LIN52: variants seen among roughly 807,000 people sequenced by gnomAD.
LIN52 encodes lin-52 DREAM MuvB core complex component, also known as protein lin-52 homolog.
A neutral mutation model predicts 18.5 loss-of-function variants in LIN52; 4 were observed. The observed-to-expected ratio is 0.22, with a 90% CI of 0.11 to 0.49. The LOEUF (loss-of-function observed/expected upper bound fraction) is 0.49. Among genes scored for constraint, LIN52 ranks in the 20% least tolerant of loss-of-function variants. The pLI, the probability that LIN52 is intolerant of heterozygous loss-of-function variation, is 0.97. For synonymous variants in LIN52, 34 were observed against 45.5 expected (o/e 0.75, Z 1.02); for missense variants, 102 against 139.5 (o/e 0.73, Z 1.35).
intron 5 of LIN52, among the ~76,000 whole-genome samples, chr14:74,156,063 G>A (rs1453225790): frequency 6.6e-6 from 1 of 152,152 alleles, no homozygotes; most frequent in Non-Finnish European, 1.5e-5. Context: ...CAAGAAAAGG[G>A]CTTACAGATT....
At chr14:74,090,398 C>G (rs1224576873) in intron 1 of LIN52, among the ~76,000 whole-genome samples, 1 of 151,466 alleles carries the variant, frequency 6.6e-6, no homozygotes, top group East Asian at 1.9e-4. Flanking sequence ...TACAGTGGTG[C>G]AATCTTGGCT....
At chr14:74,184,246 A>G (rs1044341521) in intron 5 of LIN52, among the ~76,000 whole-genome samples, 2 of 152,100 alleles carry the variant, frequency 1.3e-5, no homozygotes, top group African/African-American at 4.8e-5. Flanking sequence ...ACGCCTGGCT[A>G]ATTTTTGTAT....
At chr14:74,173,262 G>T (rs538954973) in intron 5 of LIN52, among the ~76,000 whole-genome samples, 2 of 151,834 alleles carry the variant, frequency 1.3e-5, no homozygotes, top group South Asian at 2.1e-4. Flanking sequence ...ATCTCAGCTC[G>T]CCGCAACCTC....
At chr14:74,169,686 C>T (rs765006770) in intron 5 of LIN52, among the ~76,000 whole-genome samples, 13 of 152,194 alleles carry the variant, frequency 8.5e-5, no homozygotes, top group Admixed American at 2.0e-4. Context: ...TTGAAGAGAT[C>T]TATCATAGTA....
chr14:74,170,717 A>C (rs1469581225), intron 5 of LIN52, among the ~76,000 whole-genome samples: 1 of 152,094 alleles, frequency 6.6e-6, no homozygotes, highest in Non-Finnish European at 1.5e-5. Context: ...AGTAGAAACT[A>C]TAAAGATAGA....
At chr14:74,196,671 CT>C (rs150635910) in intron 5 of LIN52, among the ~76,000 whole-genome samples, 2,248 of 152,246 alleles carry the variant, frequency 0.015, 49 homozygotes, top group African/African-American at 0.051. Flanking sequence ...GTTTTGTTTG[CT>C]AGCCTCCCTT....
rs1323407230 is a variant in LIN52 at position 74,095,945 on chromosome 14, T to C, written c.95-3T>C. On this transcript the variant is annotated splice_polypyrimidine_tract_variant and splice_region_variant and intron_variant, in intron 2 of 5. Transcript: ENST00000555028. The stretch of plus-strand genomic sequence containing the variant: ...ATAAATAAAGTTTTGTTTTTCTTTT[T>C]AGTACCAGGTGTTGCTGAATTTGCA... The C allele has an allele frequency of 1.2e-6, 2 of 1,604,172 alleles. No homozygotes were observed. The highest frequency in any genetic ancestry group is 2.2e-5 in the South Asian group (2 of 89,954).
intron 5 of LIN52, among the ~76,000 whole-genome samples, chr14:74,158,778 G>T (rs368320477): frequency 2.6e-5 from 4 of 152,182 alleles, no homozygotes; most frequent in South Asian, 4.1e-4. Context: ...GCGCCCAGCC[G>T]TAAGTTATTT....
At chr14:74,095,882 A>G (rs1182063654) in intron 2 of LIN52, 66 bp from the exon 3 acceptor site, 2 of 1,019,180 alleles carry the variant, frequency 2.0e-6, no homozygotes, top group South Asian at 1.4e-5. Flanking sequence ...TTTTCTTATT[A>G]TTTGGATCTT....
At chr14:74,109,613 G>A (rs1024015972) in intron 5 of LIN52, among the ~76,000 whole-genome samples, 3 of 152,240 alleles carry the variant, frequency 2.0e-5, no homozygotes, top group Non-Finnish European at 4.4e-5. Context: ...TGGGATGTGT[G>A]AGCTTTCCAA....
chr14:74,119,325 G>A (rs2139919616), intron 5 of LIN52, among the ~76,000 whole-genome samples: 1 of 151,484 alleles, frequency 6.6e-6, no homozygotes, highest in East Asian at 1.9e-4. Flanking sequence ...ACCACGCCCA[G>A]CTAATTTTTT....
intron 5 of LIN52, among the ~76,000 whole-genome samples, chr14:74,148,084 A>G (rs2061161239): frequency 6.6e-6 from 1 of 152,178 alleles, no homozygotes; most frequent in Non-Finnish European, 1.5e-5. Context: ...GGAAGCCCAG[A>G]AGATTTGACA....
chr14:74,130,288 T>TTGTTTTTTTTTTG (rs1595168012), intron 5 of LIN52, among the ~76,000 whole-genome samples: 1 of 131,196 alleles, frequency 7.6e-6, no homozygotes, highest in East Asian at 2.3e-4. Flanking sequence ...GTTTTTTTTT[T>TTGTTTTTTTTTTG]TTTTTTTTGA....
rs1159821132 is a variant in LIN52 at position 74,200,921 on chromosome 14, G to T, written c.*1944G>T. On this transcript the variant is annotated 3_prime_UTR_variant, in exon 6 of 6. Transcript: ENST00000555028. ...CATCAGGCACTTTTCAGTGTTTGGGGAAATTGATTGGGATACCTCCCCCAA... is the reference window on the plus strand; with the variant it reads ...CATCAGGCACTTTTCAGTGTTTGGGTAAATTGATTGGGATACCTCCCCCAA... 6.6e-6 allele frequency: 1 copy of T among 152,196 alleles called. No individual in the cohort carries two copies. Among genetic ancestry groups the T allele is most frequent in the African/African-American group, 2.4e-5 (1 of 41,452 alleles). 9.4% of individuals were successfully genotyped at this position (152,196 alleles called of 1,614,324 possible). A position where few individuals can be genotyped will look rare whatever the true frequency, so the allele number is the denominator to read the frequency against.
chr14:74,102,619 C>T (rs866488028), intron 5 of LIN52, among the ~76,000 whole-genome samples: 10 of 152,118 alleles, frequency 6.6e-5, no homozygotes, highest in Admixed American at 4.6e-4. Context: ...CTTTCATAGT[C>T]GATTTTGTTC....
At chr14:74,094,943 G>A (rs2060797953) in intron 2 of LIN52, among the ~76,000 whole-genome samples, 1 of 151,662 alleles carries the variant, frequency 6.6e-6, no homozygotes, top group Non-Finnish European at 1.5e-5. Flanking sequence ...GCCCAGGCTG[G>A]TCTCCAACTC....
At chr14:74,088,410 A>G (rs1426737725) in intron 1 of LIN52, among the ~76,000 whole-genome samples, 2 of 151,962 alleles carry the variant, frequency 1.3e-5, no homozygotes, top group Non-Finnish European at 2.9e-5. Flanking sequence ...TTTTGTAGAG[A>G]TGGAGTCTCA....
At chr14:74,192,672 A>G (rs1566871655) in intron 5 of LIN52, 1 of 252,628 alleles carries the variant, frequency 4.0e-6, no homozygotes, top group Non-Finnish European at 7.7e-6. Context: ...ACCACTTGGT[A>G]GACTAATGAA....
chr14:74,119,677 G>A (rs1223416545), intron 5 of LIN52, among the ~76,000 whole-genome samples: 1 of 152,070 alleles, frequency 6.6e-6, no homozygotes. Context: ...TCTAATAAAT[G>A]GTATCTTAAT....
Sources: gnomAD v4.1 joint callset for allele counts (sites outside exome capture counted in the v4.1 genomes callset) on GRCh38, gnomAD v4.1.1 for gene constraint, MANE v1.5 for transcripts, NCBI Gene and HGNC (gene_info 2026-07-23, HGNC 2026-07-21) for gene names.